The following MBNL1 variants were observed in gnomAD, a reference collection of about 807,000 sequenced individuals.
MBNL1 encodes the protein muscleblind-like protein 1.
A neutral mutation model predicts 42.2 loss-of-function variants in MBNL1; 8 were observed. That is an observed-to-expected ratio of 0.19 (90% CI 0.11 to 0.34). MBNL1 has a LOEUF of 0.34. Among genes scored for constraint, MBNL1 ranks in the 10% least tolerant of loss-of-function variants. The probability of loss-of-function intolerance (pLI) is 1.00; values close to 1 mark genes in which losing one functional copy is unlikely to be tolerated. For synonymous variants in MBNL1, 169 were observed against 173.9 expected, an observed-to-expected ratio of 0.97 and a Z score of 0.22; for missense variants, 309 against 495.3, an observed-to-expected ratio of 0.62 and a Z score of 3.57.
At chr3:152,384,561 A>G (rs1442580224) in intron 2 of MBNL1, among the ~76,000 whole-genome samples, 1 of 152,126 alleles carries the variant, frequency 6.6e-6, no homozygotes, top group South Asian at 2.1e-4. Context: ...AAAAGAAACT[A>G]CATGACAAAT....
chr3:152,454,786 A>G (rs991921931), intron 6 of MBNL1, among the ~76,000 whole-genome samples: 6 of 152,170 alleles, frequency 3.9e-5, no homozygotes, highest in Admixed American at 1.3e-4. Context: ...CTAAACCAGC[A>G]ATGAAAACCA....
intron 2 of MBNL1, among the ~76,000 whole-genome samples, chr3:152,370,852 A>C (rs1168004339): frequency 6.7e-6 from 1 of 148,944 alleles, no homozygotes; most frequent in African/African-American, 2.5e-5. Context: ...TTTTCTTGGT[A>C]GATATTCCTC....
chr3:152,267,373 A>T (rs2149584068), upstream of MBNL1: 1 of 152,476 alleles, frequency 6.6e-6, no homozygotes. Flanking sequence ...TACAGCACTT[A>T]TCCCTTATGC....
intron 2 of MBNL1, among the ~76,000 whole-genome samples, chr3:152,406,570 T>C (rs1465476746): frequency 6.6e-6 from 1 of 152,192 alleles, no homozygotes; most frequent in Non-Finnish European, 1.5e-5. Context: ...TAATGTTCTG[T>C]AGAAGTGTAG....
intron 4 of MBNL1, among the ~76,000 whole-genome samples, chr3:152,434,584 C>T (rs548812057): frequency 8.5e-5 from 13 of 152,122 alleles, no homozygotes; most frequent in Non-Finnish European, 1.6e-4. Flanking sequence ...ATTACTGGGT[C>T]GAATGGTATT....
rs902504412 is a variant in MBNL1, at chr3:152,411,376, C to T, written c.175-3565C>T. 3.9e-5 allele frequency among the ~76,000 whole-genome samples: 6 copies of T among 151,910 alleles called. No individual in the cohort carries two copies. The East Asian group carries it at 7.7e-4, about 20-fold the overall frequency. On this transcript the variant is annotated intron_variant, in intron 2 of 9. Coordinates refer to ENST00000324210, the MANE Select transcript of MBNL1 (RefSeq NM_021038.5). ...CTGTACTAAAAATACAAAAATTAGC[C>T]GGGTGTGTTGGCGGGCACCTGTAGT...
intron 4 of MBNL1, among the ~76,000 whole-genome samples, chr3:152,443,750 A>G (rs923667068): frequency 7.2e-5 from 11 of 152,194 alleles, no homozygotes; most frequent in African/African-American, 2.7e-4. Context: ...ATGCTAATAA[A>G]AAACCAGAAT....
chr3:152,327,385 G>A (rs1038610648), intron 2 of MBNL1, among the ~76,000 whole-genome samples: 3 of 151,444 alleles, frequency 2.0e-5, no homozygotes, highest in Admixed American at 1.3e-4. Flanking sequence ...CTCTCACTCT[G>A]TCACTCAGGC....
At chr3:152,279,683 G>A (rs181712900) in intron 1 of MBNL1, among the ~76,000 whole-genome samples, 50 of 152,264 alleles carry the variant, frequency 3.3e-4, no homozygotes, top group Admixed American at 2.6e-3. Context: ...GCATTTCGCA[G>A]TAGGTAGACC....
chr3:152,266,823 C>G (rs2037308508), upstream of MBNL1: 1 of 152,420 alleles, frequency 6.6e-6, no homozygotes, highest in Non-Finnish European at 1.5e-5. Context: ...TCTGTCCACA[C>G]CCATTCACCC....
chr3:152,446,804 G>C, intron 5 of MBNL1: 1 of 1,515,360 alleles, frequency 6.6e-7, no homozygotes, highest in Non-Finnish European at 9.0e-7. Context: ...CTTTATTGTA[G>C]ATACAAGTTT....
intron 2 of MBNL1, among the ~76,000 whole-genome samples, chr3:152,344,269 T>C (rs769678471): frequency 5.9e-5 from 9 of 152,108 alleles, no homozygotes; most frequent in Admixed American, 1.3e-4. Flanking sequence ...AAGCACAAAC[T>C]CATACTTTTT....
At position 152,389,887 on chromosome 3, in the gene MBNL1, A is replaced by T. The variant is rs552390569; in HGVS notation, c.175-25054A>T. ...ATGTAATTTATTTATTTATTTATTT[A>T]TTTTTTGAGATGGAGTCTCGCTCTG... On this transcript the variant is annotated intron_variant, in intron 2 of 9. Transcript: ENST00000324210. Among the ~76,000 whole-genome samples the T allele has an allele frequency of 2.0e-4, 31 of 151,850 alleles. 1 individual carries two copies. The South Asian group carries it at 5.6e-3, about 27-fold the overall frequency.
Position 152,402,006 on chromosome 3 carries a change from T to G in MBNL1, c.175-12935T>G, listed in dbSNP as rs527748351. ...GAGATCGCGCCACTGCACTCCAGCC[T>G]GGGTGACAGAGCAAGACTCTGTCTC... On this transcript the variant is annotated intron_variant, in intron 2 of 9. Transcript: ENST00000324210. Among the ~76,000 whole-genome samples the G allele has an allele frequency of 2.8e-5, 4 of 144,074 alleles. No homozygotes were observed. In the South Asian group the frequency reaches 6.6e-4, roughly 24 times the overall value. The allele number at this position is 144,074 out of a possible 152,430, so 94.5% of individuals were successfully genotyped here.
chr3:152,417,981 C>T (rs2098731548), intron 3 of MBNL1, among the ~76,000 whole-genome samples: 1 of 152,112 alleles, frequency 6.6e-6, no homozygotes, highest in Non-Finnish European at 1.5e-5. Context: ...ATCTTCAGAG[C>T]ACAACACTGG....
chr3:152,290,325 A>AT (rs2055171616), intron 1 of MBNL1, among the ~76,000 whole-genome samples: 1 of 151,868 alleles, frequency 6.6e-6, no homozygotes. Flanking sequence ...TATATCTGTC[A>AT]TTTTTTTCAC....
intron 2 of MBNL1, among the ~76,000 whole-genome samples, chr3:152,389,670 A>T (rs576721831): frequency 6.6e-6 from 1 of 152,064 alleles, no homozygotes; most frequent in Non-Finnish European, 1.5e-5. Context: ...GAGATTACAA[A>T]TTTTTACACC....
intron 2 of MBNL1, among the ~76,000 whole-genome samples, chr3:152,364,697 C>T (rs916194691): frequency 6.6e-6 from 1 of 151,882 alleles, no homozygotes; most frequent in African/African-American, 2.4e-5. Context: ...TGTAGCTTCT[C>T]ATAAAATATT....
intron 8 of MBNL1, chr3:152,458,492 C>T (rs1376987578): frequency 6.2e-6 from 2 of 321,984 alleles, no homozygotes; most frequent in Admixed American, 4.6e-5. Flanking sequence ...CTCAGGGTCA[C>T]ACAGCCAGTA....
Sources: gnomAD v4.1 joint callset for allele counts (sites outside exome capture counted in the v4.1 genomes callset) on GRCh38, gnomAD v4.1.1 for gene constraint, MANE v1.5 for transcripts, NCBI Gene and HGNC (gene_info 2026-07-23, HGNC 2026-07-21) for gene names.